Variants in NUP133 observed in about 807,000 individuals in gnomAD.
NUP133 encodes the protein nuclear pore complex protein Nup133.
Under a neutral mutation model 146.2 loss-of-function variants are expected in NUP133, and 66 were observed. That is an observed-to-expected ratio of 0.45 (90% CI 0.37 to 0.55). The LOEUF is 0.55. Ranked by LOEUF, NUP133 falls within the 20% of genes least tolerant of loss-of-function variation. The pLI is 0.00. For synonymous variants in NUP133, 521 were observed against 498.8 expected, an observed-to-expected ratio of 1.04 and a Z score of -0.59; for missense variants, 1,277 against 1,374.8, an observed-to-expected ratio of 0.93 and a Z score of 1.12.
chr1:229,489,938 AC>A lies in NUP133; in HGVS notation c.1194+16del. The A allele has an allele frequency of 6.4e-7, 1 of 1,551,070 alleles. No individual in the cohort carries two copies. The highest frequency in any genetic ancestry group is 8.7e-7 in the Non-Finnish European group (1 of 1,144,850). On this transcript the variant is annotated intron_variant, in intron 9 of 25. Coordinates refer to ENST00000261396, the MANE Select transcript of NUP133 (RefSeq NM_018230.3). ...CAACATATTATTGCTTTGTAATTTAACCAATATAAATCTTACCTGAAAAGGT... is the reference window on the plus strand; with the variant it reads ...CAACATATTATTGCTTTGTAATTTAACAATATAAATCTTACCTGAAAAGGT...
intron 18 of NUP133, among the ~76,000 whole-genome samples, chr1:229,464,177 G>A (rs969423255): frequency 2.6e-5 from 4 of 151,974 alleles, no homozygotes; most frequent in Admixed American, 6.6e-5. Context: ...TCAGACCCTT[G>A]TTTCATCACT....
intron 5 of NUP133, among the ~76,000 whole-genome samples, chr1:229,499,380 C>T (rs1476968202): frequency 6.6e-6 from 1 of 152,178 alleles, no homozygotes; most frequent in Non-Finnish European, 1.5e-5. Flanking sequence ...CTGTTCAAAT[C>T]ATAGATCCTT....
At chr1:229,484,510 A>G (rs1661299544) in intron 11 of NUP133, among the ~76,000 whole-genome samples, 1 of 152,230 alleles carries the variant, frequency 6.6e-6, no homozygotes, top group South Asian at 2.1e-4. Context: ...ATACTTATTG[A>G]AACACTATAA....
At chr1:229,467,107 A>AT (rs1259448347) in intron 15 of NUP133, among the ~76,000 whole-genome samples, 1 of 152,230 alleles carries the variant, frequency 6.6e-6, no homozygotes, top group African/African-American at 2.4e-5. Context: ...TAATGAACTA[A>AT]TAGACTAAAA....
Position 229,449,076 on chromosome 1 carries a change from G to A in NUP133, c.3245+50C>T, listed in dbSNP as rs532636847. ...TTGACTGTCATGTGGTGAGAGCAGA[G>A]GAAAAGCAGTTTCTATACTTTCCAA... On this transcript the variant is annotated intron_variant, in intron 24 of 25. Transcript: ENST00000261396. The A allele has an allele frequency of 1.3e-4, 181 of 1,380,506 alleles. 2 individuals carry two copies. The South Asian group carries it at 1.9e-3, about 15-fold the overall frequency. The allele number at this position is 1,380,506 out of a possible 1,614,324, so 85.5% of individuals were successfully genotyped here.
intron 15 of NUP133, among the ~76,000 whole-genome samples, chr1:229,468,918 C>T (rs1660889329): frequency 6.6e-6 from 1 of 152,164 alleles, no homozygotes; most frequent in Non-Finnish European, 1.5e-5. Context: ...TCCCCAGGAA[C>T]TAACCCAAAT....
In NUP133 at chr1:229,460,740, A is replaced by AT; in HGVS notation, c.2714dup (p.Tyr905Ter). Residue 905 changes from tyrosine to a stop codon, truncating the protein, a stop_gained and frameshift_variant, in exon 20 of 26, where the codon TAT becomes TAAT. Transcript: ENST00000261396. LOFTEE classifies it high-confidence loss of function. The part of the protein sequence containing the change: ...QNFSDFLFRW[Y>*]LEKGKRGKLL... ...ATTTGCCTCGCTTTCCTTTCTCCAG[A>AT]TACCAACGGAAGAGAAAGTCTGAAA... 1 of 1,613,266 alleles carries AT rather than the reference A, an allele frequency of 6.2e-7. No homozygotes were observed. Among genetic ancestry groups the AT allele is most frequent in the Non-Finnish European group, 8.5e-7 (1 of 1,179,676 alleles).
chr1:229,477,689 G>A lies in NUP133; in HGVS notation c.1664C>T (p.Ser555Phe). The A allele has an allele frequency of 6.2e-7, 1 of 1,613,860 alleles. No individual in the cohort carries two copies. Among genetic ancestry groups the A allele is most frequent in the African/African-American group, 1.3e-5 (1 of 74,974 alleles). ...TTGGGTAACTGCCCTGTCTAGTTCA[G>A]AATCAGAATCCAAATCAGAGTGAGA... ...FSSHSDLDSD[S>F]ELDRAVTQIS... is the part of the protein sequence containing the mutation. Residue 555 changes from serine (S) to phenylalanine (F), a missense_variant, in exon 13 of 26, where the codon TCT becomes TTT. Transcript: ENST00000261396.
At position 229,508,219 on chromosome 1, in the gene NUP133, G is replaced by A; in HGVS notation, c.31C>T (p.Pro11Ser). The change falls in exon 1 of 26, where the codon CCG becomes TCG. Residue 11 changes from proline to serine, a missense_variant. Physicochemically the swap from Pro to Ser is moderately conservative, Grantham distance 74. Around this residue, in one of 3 missense-constraint regions of NUP133, gnomAD observed 319 missense variants for 306.9 expected, o/e 1.04. Transcript: ENST00000261396. ...GGGCCCCTTCGGGACCCGGTACCCG[G>A]GGTCCGCGGAGAAGGGGCGGCTGGG... MFPAAPSPRT[P>S]GTGSRRGPLA... The A allele has an allele frequency of 1.3e-6, 2 of 1,549,978 alleles. No homozygotes were observed. The highest frequency in any genetic ancestry group is 8.7e-7 in the Non-Finnish European group (1 of 1,151,508).
chr1:229,475,205 G>A (rs1672720608), intron 14 of NUP133, among the ~76,000 whole-genome samples: 1 of 152,116 alleles, frequency 6.6e-6, no homozygotes, highest in South Asian at 2.1e-4. Context: ...TTATTGACGA[G>A]ACAAGAATGA....
At chr1:229,487,952 T>C (rs370265486) in intron 9 of NUP133, among the ~76,000 whole-genome samples, 113 of 150,450 alleles carry the variant, frequency 7.5e-4, no homozygotes, top group African/African-American at 2.5e-3. Flanking sequence ...CAAACAATTC[T>C]CCTGCCTCAG....
chr1:229,475,425 C>T (rs909871295), intron 14 of NUP133, among the ~76,000 whole-genome samples: 6 of 152,170 alleles, frequency 3.9e-5, no homozygotes, highest in South Asian at 4.1e-4. Flanking sequence ...CAAACGCACA[C>T]GGGAAATCTG....
intron 9 of NUP133, 137 bp from the exon 10 acceptor site, chr1:229,487,750 T>C (rs898455578): frequency 1.6e-5 from 10 of 631,370 alleles, no homozygotes; most frequent in African/African-American, 1.1e-4. Context: ...ACACTACCCA[T>C]GAGATGATTA....
At chr1:229,465,178 G>A (rs1660784647) in intron 17 of NUP133, among the ~76,000 whole-genome samples, 1 of 152,104 alleles carries the variant, frequency 6.6e-6, no homozygotes, top group African/African-American at 2.4e-5. Flanking sequence ...CTGCTTCTAT[G>A]AATAACTATT....
At chr1:229,449,093 A>G (rs1181612093) in intron 24 of NUP133, 33 bp downstream of exon 24, 1 of 1,541,830 alleles carries the variant, frequency 6.5e-7, no homozygotes, top group Non-Finnish European at 9.0e-7. Context: ...CAGTTTCTAT[A>G]CTTTCCAAAG....
rs1211505114 is a variant in NUP133 at position 229,498,152 on chromosome 1, G to A, written c.803C>T (p.Pro268Leu). 4 of 1,606,764 alleles carry A rather than the reference G, an allele frequency of 2.5e-6. No homozygotes were observed. Among genetic ancestry groups the A allele is most frequent in the Non-Finnish European group, 3.4e-6 (4 of 1,177,460 alleles). Residue 268 changes from proline (P) to leucine (L), a missense_variant, in exon 6 of 26, where the codon CCT (proline) becomes CTT (leucine). Coordinates refer to ENST00000261396, the MANE Select transcript of NUP133 (RefSeq NM_018230.3). The part of the protein sequence containing the change: ...KVSSLFGILS[P>L]SSDLTLSSVL... The stretch of plus-strand genomic sequence containing the variant: ...TAAACTTACTGTGAGATCACTACTA[G>A]GAGATAAAATTCCAAAAAGAGAAGA...
intron 24 of NUP133, among the ~76,000 whole-genome samples, chr1:229,446,823 C>G (rs1660313020): frequency 1.3e-5 from 2 of 151,994 alleles, no homozygotes; most frequent in South Asian, 4.1e-4. Context: ...ACAAGCCTCA[C>G]TTCTGCAAAA....
chr1:229,494,236 G>C (rs1404219610), intron 8 of NUP133, among the ~76,000 whole-genome samples: 1 of 152,174 alleles, frequency 6.6e-6, no homozygotes, highest in African/African-American at 2.4e-5. Flanking sequence ...ACAAAAACAG[G>C]TAAACTGTAT....
At position 229,450,520 on chromosome 1, in the gene NUP133, C is replaced by T. The variant is rs1404715893; in HGVS notation, c.3180+5G>A. On this transcript the variant is annotated splice_donor_5th_base_variant and intron_variant, in intron 23 of 25. Transcript: ENST00000261396. ...CCTGAGATCATCTCAAGCAATTTTA[C>T]TTACCTCATCAATATATTCCAACAA... 1 of 1,516,798 alleles carries T rather than the reference C, an allele frequency of 6.6e-7. No individual in the cohort carries two copies. The highest frequency in any genetic ancestry group is 9.0e-7 in the Non-Finnish European group (1 of 1,107,986). The allele number at this position is 1,516,798 out of a possible 1,614,324, so 94.0% of individuals were successfully genotyped here.
Sources: allele counts gnomAD v4.1 joint callset (sites outside exome capture counted in the v4.1 genomes callset), GRCh38; gene constraint gnomAD v4.1.1; regional missense constraint gnomAD v4.1.1; transcripts MANE v1.5; gene names NCBI Gene and HGNC (gene_info 2026-07-23, HGNC 2026-07-21).